GALNTL6: variants seen among roughly 807,000 people sequenced by gnomAD.
GALNTL6 encodes the protein polypeptide N-acetylgalactosaminyltransferase like 6.
Under a neutral mutation model 73.7 loss-of-function variants are expected in GALNTL6, and 46 were observed. That is an observed-to-expected ratio of 0.62 (90% CI 0.49 to 0.80). The LOEUF (loss-of-function observed/expected upper bound fraction) is 0.80. Ranked by LOEUF, GALNTL6 falls within the 30% of genes least tolerant of loss-of-function variation. The pLI is 0.00. For missense variants in GALNTL6, 604 were observed against 755.0 expected (o/e 0.80, Z 2.34); for synonymous variants, 259 against 263.7 (o/e 0.98, Z 0.17).
chr4:172,301,343 C>T (rs1244733108), intron 3 of GALNTL6, among the ~76,000 whole-genome samples: 2 of 152,170 alleles, frequency 1.3e-5, no homozygotes, highest in African/African-American at 4.8e-5. Flanking sequence ...GTAGTTTGAT[C>T]GTCTGAAGCC....
At chr4:172,954,642 A>AT (rs1329839440) in intron 10 of GALNTL6, among the ~76,000 whole-genome samples, 2 of 151,998 alleles carry the variant, frequency 1.3e-5, no homozygotes, top group Non-Finnish European at 2.9e-5. Context: ...AATTTTTTAA[A>AT]TTTTTTGTAG....
intron 5 of GALNTL6, among the ~76,000 whole-genome samples, chr4:172,548,047 T>A (rs1735834961): frequency 6.6e-6 from 1 of 152,218 alleles, no homozygotes; most frequent in South Asian, 2.1e-4. Context: ...ATGACTTGTG[T>A]ATTAATCTAT....
At chr4:172,016,017 T>G (rs978230115) in intron 2 of GALNTL6, among the ~76,000 whole-genome samples, 7 of 147,944 alleles carry the variant, frequency 4.7e-5, no homozygotes, top group African/African-American at 1.8e-4. Flanking sequence ...TCTGGACTTT[T>G]GATAACCTGA....
At chr4:172,341,217 C>T (rs922313035) in intron 4 of GALNTL6, among the ~76,000 whole-genome samples, 11 of 151,742 alleles carry the variant, frequency 7.2e-5, no homozygotes, top group Non-Finnish European at 1.0e-4. Flanking sequence ...TTTGGGAGGC[C>T]GAGGCGGGCG....
At chr4:171,892,123 A>T (rs973247166) in intron 2 of GALNTL6, among the ~76,000 whole-genome samples, 4 of 152,196 alleles carry the variant, frequency 2.6e-5, no homozygotes, top group African/African-American at 7.2e-5. Flanking sequence ...TGTAAGGTGT[A>T]TATGAAACAT....
At chr4:172,206,956 T>C (rs1375153073) in intron 2 of GALNTL6, among the ~76,000 whole-genome samples, 1 of 151,584 alleles carries the variant, frequency 6.6e-6, no homozygotes, top group African/African-American at 2.4e-5. Flanking sequence ...TAGCTGGGAC[T>C]ACAGGCACCC....
chr4:171,822,816 G>A (rs933070418), intron 2 of GALNTL6, among the ~76,000 whole-genome samples: 1 of 152,126 alleles, frequency 6.6e-6, no homozygotes, highest in Non-Finnish European at 1.5e-5. Flanking sequence ...TTTAATATAA[G>A]GCTGGATTAC....
At chr4:172,489,903 T>G (rs967044579) in intron 5 of GALNTL6, among the ~76,000 whole-genome samples, 2 of 152,218 alleles carry the variant, frequency 1.3e-5, no homozygotes, top group Non-Finnish European at 2.9e-5. Flanking sequence ...TACTTTACCA[T>G]GCTACATATT....
In GALNTL6 at chr4:172,930,982, T is replaced by G. The variant is rs1440589080; in HGVS notation, c.1042-179T>G. ...ACTCAGCTGTATTTTGGTTTTAAACTTTTATGAATCTAGGTTTTAAAAAAA... is the reference window on the plus strand; with the variant it reads ...ACTCAGCTGTATTTTGGTTTTAAACGTTTATGAATCTAGGTTTTAAAAAAA... On this transcript the variant is annotated intron_variant, in intron 8 of 12. Coordinates refer to ENST00000506823, the MANE Select transcript of GALNTL6 (RefSeq NM_001034845.3). 2.0e-5 allele frequency among the ~76,000 whole-genome samples: 3 copies of G among 152,196 alleles called. No homozygotes were observed. In the East Asian group the frequency reaches 5.8e-4, roughly 29 times the overall value.
chr4:172,896,378 A>G (rs942822236), intron 8 of GALNTL6, among the ~76,000 whole-genome samples: 3 of 152,172 alleles, frequency 2.0e-5, no homozygotes, highest in African/African-American at 7.2e-5. Context: ...GGCATTCTAC[A>G]AGTCTTTAAA....
intron 7 of GALNTL6, among the ~76,000 whole-genome samples, chr4:172,868,398 G>A (rs1744764922): frequency 6.6e-6 from 1 of 152,102 alleles, no homozygotes. Flanking sequence ...TTAGAGAGAT[G>A]AAAAAGGATA....
intron 5 of GALNTL6, among the ~76,000 whole-genome samples, chr4:172,446,504 G>A (rs559428184): frequency 3.3e-4 from 50 of 152,268 alleles, no homozygotes; most frequent in African/African-American, 8.4e-4. Flanking sequence ...GGCCACAGTG[G>A]GGTGGTTTTC....
intron 2 of GALNTL6, among the ~76,000 whole-genome samples, chr4:172,141,906 CACACA>C (rs1336137795): frequency 4.8e-5 from 6 of 124,932 alleles, no homozygotes; most frequent in Non-Finnish European, 7.1e-5. Context: ...CACACACACA[CACACA>C]CCCCCCACAC....
At chr4:172,605,685 C>T (rs750121732) in intron 5 of GALNTL6, among the ~76,000 whole-genome samples, 1 of 151,980 alleles carries the variant, frequency 6.6e-6, no homozygotes, top group Non-Finnish European at 1.5e-5. Context: ...TTTGGTATGG[C>T]TAGAATATAA....
chr4:172,644,818 T>C (rs1393129113), intron 5 of GALNTL6, among the ~76,000 whole-genome samples: 1 of 151,954 alleles, frequency 6.6e-6, no homozygotes, highest in Admixed American at 6.6e-5. Context: ...TTTCCAAAGA[T>C]CTTTGTCAAT....
intron 2 of GALNTL6, among the ~76,000 whole-genome samples, chr4:171,842,909 A>G (rs1202729766): frequency 1.3e-5 from 2 of 152,070 alleles, no homozygotes; most frequent in Admixed American, 6.6e-5. Flanking sequence ...TCATGCCACA[A>G]ACATCTTAAA....
chr4:172,485,268 A>C (rs1228424427), intron 5 of GALNTL6, among the ~76,000 whole-genome samples: 2 of 152,150 alleles, frequency 1.3e-5, no homozygotes, highest in African/African-American at 4.8e-5. Flanking sequence ...TGTACCACAT[A>C]GAATATTCAA....
At chr4:172,738,912 T>G (rs920087514) in intron 5 of GALNTL6, among the ~76,000 whole-genome samples, 1 of 152,166 alleles carries the variant, frequency 6.6e-6, no homozygotes, top group African/African-American at 2.4e-5. Flanking sequence ...GAAAGAGTTA[T>G]CAGTAGAAAT....
At chr4:172,451,165 G>T (rs1199749482) in intron 5 of GALNTL6, among the ~76,000 whole-genome samples, 1 of 152,154 alleles carries the variant, frequency 6.6e-6, no homozygotes, top group Non-Finnish European at 1.5e-5. Context: ...AGATTCTCAT[G>T]GTAATTTAGC....
Sources: gnomAD v4.1 joint callset for allele counts (sites outside exome capture counted in the v4.1 genomes callset) on GRCh38, gnomAD v4.1.1 for gene constraint, MANE v1.5 for transcripts, NCBI Gene and HGNC (gene_info 2026-07-23, HGNC 2026-07-21) for gene names.